The following HCN1 variants were observed in gnomAD, a reference collection of about 807,000 sequenced individuals.
The protein encoded by HCN1 is potassium/sodium hyperpolarization-activated cyclic nucleotide-gated channel 1.
In HCN1, 13 loss-of-function variants were observed where a neutral mutation model predicts 78.9. That is an observed-to-expected ratio of 0.16 (90% CI 0.11 to 0.26). The LOEUF (loss-of-function observed/expected upper bound fraction) is 0.26. Ranked by LOEUF, HCN1 falls within the 10% of genes least tolerant of loss-of-function variation. The probability of loss-of-function intolerance (pLI) is 1.00; values close to 1 mark genes in which losing one functional copy is unlikely to be tolerated. For synonymous variants in HCN1, 552 were observed against 455.5 expected (o/e 1.21, Z -2.70); for missense variants, 810 against 1,154.3 (o/e 0.70, Z 4.32).
intron 5 of HCN1, among the ~76,000 whole-genome samples, chr5:45,327,210 C>T (rs1470882636): frequency 1.3e-5 from 2 of 151,398 alleles, no homozygotes; most frequent in Non-Finnish European, 3.0e-5. Context: ...GATAAAAAAG[C>T]GATTGATTTT....
intron 4 of HCN1, among the ~76,000 whole-genome samples, chr5:45,372,286 A>C (rs1188207696): frequency 2.2e-5 from 2 of 92,790 alleles, no homozygotes; most frequent in Non-Finnish European, 3.7e-5. Context: ...TATATAATAT[A>C]TATTTCATAT....
In HCN1 at chr5:45,375,741, C is replaced by CATATTTTATGATACATA. The variant is rs1561131686; in HGVS notation, c.1230+20750_1230+20751insTATGTATCATAAAATAT. On this transcript the variant is annotated intron_variant, in intron 4 of 7. Coordinates refer to ENST00000303230, the MANE Select transcript of HCN1 (RefSeq NM_021072.4). Reference sequence around the variant, plus strand: ...TATAATATCATATTTTATGATATATCTTATATATAATATCATATTTTATGA... The same window carrying CATATTTTATGATACATA: ...TATAATATCATATTTTATGATATATCATATTTTATGATACATATTATATATAATATCATATTTTATGA... Among the ~76,000 whole-genome samples, 194 of 81,604 alleles carry CATATTTTATGATACATA rather than the reference C, an allele frequency of 2.4e-3. 7 individuals are homozygous for CATATTTTATGATACATA. The highest frequency in any genetic ancestry group is 9.3e-3 in the African/African-American group (161 of 17,230). 53.5% of individuals were successfully genotyped at this position (81,604 alleles called of 152,430 possible). A position where few individuals can be genotyped will look rare whatever the true frequency, so the allele number is the denominator to read the frequency against.
In HCN1 at chr5:45,645,288, T is replaced by C; in HGVS notation, c.746A>G (p.Lys249Arg). 6.2e-7 allele frequency: 1 copy of C among 1,613,618 alleles called. No homozygotes were observed. The highest frequency in any genetic ancestry group is 8.5e-7 in the Non-Finnish European group (1 of 1,179,768). Reference protein sequence around the residue: ...VEKGMDSEVYKTARALRIVRF... With the variant: ...VEKGMDSEVYRTARALRIVRF... ...CACAATGCGAAGTGCCCTGGCTGTCTTGTAAACTTCAGAATCCATTCCTTT... is the reference window on the plus strand; with the variant it reads ...CACAATGCGAAGTGCCCTGGCTGTCCTGTAAACTTCAGAATCCATTCCTTT... Residue 249 changes from lysine to arginine, a missense_variant, in exon 2 of 8, where the codon AAG (lysine) becomes AGG (arginine). Around this residue, in one of 6 missense-constraint regions of HCN1, gnomAD observed 104 missense variants for 402.8 expected, o/e 0.26. Transcript: ENST00000303230.
chr5:45,317,615 G>T (rs1291332900), intron 5 of HCN1, among the ~76,000 whole-genome samples: 2 of 152,072 alleles, frequency 1.3e-5, no homozygotes, highest in Admixed American at 1.3e-4. Context: ...ACTACCATCA[G>T]AGTGAACAGG....
At chr5:45,462,305 C>A (rs1741178712) in intron 2 of HCN1, among the ~76,000 whole-genome samples, 1 of 151,984 alleles carries the variant, frequency 6.6e-6, no homozygotes, top group Non-Finnish European at 1.5e-5. Context: ...TGTTCTTTTG[C>A]ATATTTTAGC....
At chr5:45,396,747 T>G in intron 3 of HCN1, 37 bp from the exon 4 acceptor site, 2 of 1,514,624 alleles carry the variant, frequency 1.3e-6, no homozygotes, top group Non-Finnish European at 9.2e-7. Flanking sequence ...GACTGAGCCA[T>G]TAGGATGGCA....
At position 45,414,083 on chromosome 5, in the gene HCN1, A is replaced by G. The variant is rs568717612; in HGVS notation, c.1012-17373T>C. On this transcript the variant is annotated intron_variant, in intron 3 of 7. Coordinates refer to ENST00000303230, the MANE Select transcript of HCN1 (RefSeq NM_021072.4). ...TGGGAAAAAGAACAACAGTTTCAGAAAGCAAATCTTTATGGCCAATTCGCC... is the reference window on the plus strand; with the variant it reads ...TGGGAAAAAGAACAACAGTTTCAGAGAGCAAATCTTTATGGCCAATTCGCC... Among the ~76,000 whole-genome samples the G allele has an allele frequency of 3.0e-4, 45 of 152,138 alleles. No homozygotes were observed. In the South Asian group the frequency reaches 8.9e-3, roughly 30 times the overall value.
chr5:45,298,185 G>C (rs749623034), intron 6 of HCN1, among the ~76,000 whole-genome samples: 3 of 151,964 alleles, frequency 2.0e-5, no homozygotes, highest in Non-Finnish European at 4.4e-5. Flanking sequence ...CTGCCTTTAT[G>C]AACTGATTTA....
chr5:45,479,222 T>C (rs1167745003), intron 2 of HCN1, among the ~76,000 whole-genome samples: 1 of 151,694 alleles, frequency 6.6e-6, no homozygotes, highest in Non-Finnish European at 1.5e-5. Flanking sequence ...CTAAAGAAAT[T>C]CAGTATAGCA....
At chr5:45,308,392 T>A (rs895755644) in intron 5 of HCN1, among the ~76,000 whole-genome samples, 1 of 152,152 alleles carries the variant, frequency 6.6e-6, no homozygotes, top group Non-Finnish European at 1.5e-5. Context: ...ATTAAAGATG[T>A]AATTACTGCT....
intron 2 of HCN1, among the ~76,000 whole-genome samples, chr5:45,481,962 A>G (rs1741661748): frequency 8.8e-6 from 1 of 113,356 alleles, no homozygotes; most frequent in Non-Finnish European, 1.7e-5. Flanking sequence ...ATCCTAAAAG[A>G]AAAACAAACA....
chr5:45,674,935 A>G (rs1458457886), intron 1 of HCN1, among the ~76,000 whole-genome samples: 2 of 151,682 alleles, frequency 1.3e-5, no homozygotes, highest in East Asian at 3.9e-4. Context: ...TTAACTATTT[A>G]AAATAAAAAT....
At chr5:45,462,042 C>T in intron 2 of HCN1, 35 bp from the exon 3 acceptor site, 1 of 1,575,014 alleles carries the variant, frequency 6.3e-7, no homozygotes, top group Middle Eastern at 1.7e-4. Context: ...TTCTTATAAT[C>T]AATTTTTTAG....
chr5:45,369,659 G>C (rs1747312434), intron 4 of HCN1, among the ~76,000 whole-genome samples: 1 of 152,016 alleles, frequency 6.6e-6, no homozygotes, highest in Admixed American at 6.6e-5. Context: ...GAATAATACA[G>C]ATTATAGAAA....
chr5:45,459,801 T>C (rs556644446), intron 3 of HCN1, among the ~76,000 whole-genome samples: 2 of 152,250 alleles, frequency 1.3e-5, no homozygotes, highest in Admixed American at 1.3e-4. Context: ...GAATCATCTT[T>C]TGGCAGTAGT....
chr5:45,425,584 T>A (rs1188891274), intron 3 of HCN1, among the ~76,000 whole-genome samples: 1 of 152,176 alleles, frequency 6.6e-6, no homozygotes, highest in African/African-American at 2.4e-5. Context: ...GAGAAAATAA[T>A]CTAATTCCCA....
At chr5:45,636,968 A>G (rs1041800572) in intron 2 of HCN1, among the ~76,000 whole-genome samples, 2 of 152,224 alleles carry the variant, frequency 1.3e-5, no homozygotes, top group African/African-American at 4.8e-5. Context: ...AACATTCATA[A>G]TATAACTTAA....
chr5:45,414,815 C>T (rs1411993458), intron 3 of HCN1, among the ~76,000 whole-genome samples: 1 of 151,998 alleles, frequency 6.6e-6, no homozygotes, highest in Non-Finnish European at 1.5e-5. Context: ...TATGGTATCA[C>T]TTGATTTGAG....
At chr5:45,483,110 T>C (rs1232110943) in intron 2 of HCN1, among the ~76,000 whole-genome samples, 2 of 152,332 alleles carry the variant, frequency 1.3e-5, no homozygotes, top group South Asian at 4.1e-4. Context: ...TTTATTTTCT[T>C]TGGGGTATAT....
Sources: allele counts gnomAD v4.1 joint callset (sites outside exome capture counted in the v4.1 genomes callset), GRCh38; gene constraint gnomAD v4.1.1; regional missense constraint gnomAD v4.1.1; transcripts MANE v1.5; gene names NCBI Gene and HGNC (gene_info 2026-07-23, HGNC 2026-07-21).